The following RIPK4 variants were observed in gnomAD, a reference collection of about 807,000 sequenced individuals.
The protein encoded by RIPK4 is receptor interacting serine/threonine kinase 4.
In RIPK4, 17 loss-of-function variants were observed where a neutral mutation model predicts 42.9. The observed-to-expected ratio is 0.40, with a 90% confidence interval of 0.27 to 0.59. RIPK4 has a LOEUF of 0.59. RIPK4 is among the 20% of genes least tolerant of loss of function. The pLI is 0.47. For missense variants in RIPK4, 897 were observed against 1,104.4 expected, an observed-to-expected ratio of 0.81 and a Z score of 2.66; for synonymous variants, 498 against 499.1, an observed-to-expected ratio of 1.00 and a Z score of 0.03.
Position 41,749,039 on chromosome 21 carries a change from C to A in RIPK4, c.673+115G>T, listed in dbSNP as rs949685224. 6.6e-6 allele frequency: 7 copies of A among 1,066,270 alleles called. No homozygotes were observed. The Admixed American group carries it at 1.3e-4, about 20-fold the overall frequency. 66.1% of individuals were successfully genotyped at this position (1,066,270 alleles called of 1,614,324 possible). A position where few individuals can be genotyped will look rare whatever the true frequency, so the allele number is the denominator to read the frequency against. On this transcript the variant is annotated intron_variant, in intron 4 of 7. Transcript: ENST00000332512. ...ATGCAAATTACACCACAGAGCAGCA[C>A]CTATGGCAGCGTGGATCACAGGCTC...
In RIPK4 at chr21:41,741,683, G is replaced by A. The variant is rs2061154834; in HGVS notation, c.1510C>T (p.Gln504Ter). Residue 504 changes from glutamine (Q) to a stop codon, truncating the protein, a stop_gained, in exon 8 of 8, where the codon CAG (glutamine) becomes TAG (stop). Coordinates refer to ENST00000332512, the MANE Select transcript of RIPK4 (RefSeq NM_020639.3). LOFTEE classifies it low-confidence loss of function (END_TRUNC). ...GCTGCAAAGTGGAGGGCTGTCCACT[G>A]GTCCTCATCCTTGGCGTTGACACTG... The part of the protein sequence containing the change: ...KISVNAKDED[Q>*]WTALHFAAQN... 1.9e-6 allele frequency: 3 copies of A among 1,613,648 alleles called. No individual in the cohort carries two copies. Among genetic ancestry groups the A allele is most frequent in the Non-Finnish European group, 2.5e-6 (3 of 1,180,022 alleles).
rs921644618 is a variant in RIPK4 at position 41,746,668 on chromosome 21, T to C, written c.777A>G (p.Ile259Met). Reference protein sequence around the residue: ...RARPRACSHLIRLMQRCWQGD... With the variant: ...RARPRACSHLMRLMQRCWQGD... ...CCTGCCAGCACCGCTGCATGAGGCGTATCAGGTGGCTGCAGGCGCGCGGCC... is the reference window on the plus strand; with the variant it reads ...CCTGCCAGCACCGCTGCATGAGGCGCATCAGGTGGCTGCAGGCGCGCGGCC... The change falls in exon 5 of 8, where the codon ATA (isoleucine) becomes ATG (methionine). Residue 259 changes from isoleucine to methionine, a missense_variant. Ile to Met is a conservative substitution (Grantham distance 10). Transcript: ENST00000332512. 1 of 1,611,412 alleles carries C rather than the reference T, an allele frequency of 6.2e-7. No individual in the cohort carries two copies.
At chr21:41,758,039 TATAGAGAGAG>T (rs1331144276) in intron 1 of RIPK4, among the ~76,000 whole-genome samples, 108 of 89,012 alleles carry the variant, frequency 1.2e-3, no homozygotes, top group African/African-American at 5.1e-3. Flanking sequence ...TATATATATA[TATAGAGAGAG>T]AGAGAGAGAG....
At chr21:41,748,247 C>T (rs2061177787) in intron 4 of RIPK4, among the ~76,000 whole-genome samples, 1 of 152,214 alleles carries the variant, frequency 6.6e-6, no homozygotes, top group South Asian at 2.1e-4. Flanking sequence ...CTTCTCACCC[C>T]AGCACTTTCC....
intron 4 of RIPK4, 115 bp downstream of exon 4, chr21:41,749,039 C>T: frequency 2.8e-6 from 3 of 1,066,270 alleles, no homozygotes; most frequent in East Asian, 2.5e-5. Context: ...CAGAGCAGCA[C>T]CTATGGCAGC....
chr21:41,760,566 A>G (rs899303097), intron 1 of RIPK4, among the ~76,000 whole-genome samples: 10 of 152,314 alleles, frequency 6.6e-5, no homozygotes, highest in East Asian at 5.8e-4. Context: ...GTCGCTGTGG[A>G]TCCCCTTGGG....
In RIPK4 at chr21:41,755,594, G is replaced by A. The variant is rs1257023931; in HGVS notation, c.474+931C>T. ...AGGAACAGTAGCACAGCCAAGCCAG[G>A]CAGGGGACTCCTCTGCTTGTCCCCT... On this transcript the variant is annotated intron_variant, in intron 2 of 7. Coordinates refer to ENST00000332512, the MANE Select transcript of RIPK4 (RefSeq NM_020639.3). This position sits in a 1 kb window ranked among gnomAD's most constrained non-coding sequence, Gnocchi z 4.2. 6.6e-6 allele frequency among the ~76,000 whole-genome samples: 1 copy of A among 152,182 alleles called. No individual in the cohort carries two copies. The highest frequency in any genetic ancestry group is 1.5e-5 in the Non-Finnish European group (1 of 68,024).
rs767084849 is a variant in RIPK4, at chr21:41,741,758, C to T, written c.1435G>A (p.Val479Met). The change falls in exon 8 of 8, where the codon GTG becomes ATG. Residue 479 changes from valine (V) to methionine (M), a missense_variant. By Grantham distance (21) the Val-to-Met change is conservative. Coordinates refer to ENST00000332512, the MANE Select transcript of RIPK4 (RefSeq NM_020639.3). The part of the protein sequence containing the change: ...RRGSTPLHMA[V>M]ERRVRGVVEL... ...ACGACACCCCGCACCCTCCTCTCCA[C>T]GGCCATGTGCAACGGGGTGGAGCCC... 9.9e-6 allele frequency: 16 copies of T among 1,611,850 alleles called. No homozygotes were observed. Among genetic ancestry groups the T allele is most frequent in the East Asian group, 4.5e-5 (2 of 44,888 alleles).
chr21:41,749,189 A>T lies in RIPK4; in HGVS notation c.638T>A (p.Ile213Asn). The T allele has an allele frequency of 6.2e-7, 1 of 1,613,948 alleles. No homozygotes were observed. The highest frequency in any genetic ancestry group is 8.5e-7 in the Non-Finnish European group (1 of 1,179,924). Reference protein sequence around the residue: ...KHDVYSFAIVIWGVLTQKKPF... With the variant: ...KHDVYSFAIVNWGVLTQKKPF... ...CTTCTTCTGTGTGAGCACGCCCCAGATGACGATCGCAAAGCTGGAAGAGAA... is the reference window on the plus strand; with the variant it reads ...CTTCTTCTGTGTGAGCACGCCCCAGTTGACGATCGCAAAGCTGGAAGAGAA... The change falls in exon 4 of 8, where the codon ATC (isoleucine) becomes AAC (asparagine). Residue 213 changes from isoleucine (I) to asparagine (N), a missense_variant. Coordinates refer to ENST00000332512, the MANE Select transcript of RIPK4 (RefSeq NM_020639.3).
chr21:41,745,916 C>G (rs532143018), intron 5 of RIPK4, 54 bp from the exon 6 acceptor site: 1 of 1,386,122 alleles, frequency 7.2e-7, no homozygotes, highest in African/African-American at 1.4e-5. Flanking sequence ...TGCGTACACA[C>G]GCGTTCCATA....
chr21:41,743,775 C>A (rs2061161589), intron 7 of RIPK4, 107 bp downstream of exon 7: 1 of 1,373,604 alleles, frequency 7.3e-7, no homozygotes, highest in Non-Finnish European at 9.8e-7. Flanking sequence ...AGAATTCTTG[C>A]TGGGTCAAGA....
chr21:41,748,868 G>A (rs963366510), intron 4 of RIPK4, among the ~76,000 whole-genome samples: 3 of 152,200 alleles, frequency 2.0e-5, no homozygotes, highest in African/African-American at 7.2e-5. Context: ...AACACTGCCA[G>A]TGTAGTTAAT....
chr21:41,747,744 G>C (rs1321671598), intron 4 of RIPK4, among the ~76,000 whole-genome samples: 1 of 152,184 alleles, frequency 6.6e-6, no homozygotes, highest in Admixed American at 6.5e-5. Flanking sequence ...TAAAATGGAA[G>C]CAAACTGAAG....
chr21:41,752,276 G>A (rs2061190781), intron 2 of RIPK4, among the ~76,000 whole-genome samples: 1 of 152,186 alleles, frequency 6.6e-6, no homozygotes, highest in Non-Finnish European at 1.5e-5. Context: ...ACACACCCAT[G>A]GAGTGACAGG....
In RIPK4 at chr21:41,755,834, A is replaced by G. The variant is rs537834387; in HGVS notation, c.474+691T>C. On this transcript the variant is annotated intron_variant, in intron 2 of 7. Transcript: ENST00000332512. This position sits in a 1 kb window ranked among gnomAD's most constrained non-coding sequence, Gnocchi z 4.2. ...AGGCCATCAAAGGAGATACAAGGAA[A>G]TACAGCCCTGATGCAAAGGTGATGA... 2.0e-5 allele frequency among the ~76,000 whole-genome samples: 3 copies of G among 152,232 alleles called. No individual in the cohort carries two copies. Among genetic ancestry groups the G allele is most frequent in the Non-Finnish European group, 2.9e-5 (2 of 68,042 alleles).
chr21:41,746,129 G>T, intron 5 of RIPK4: 2 of 687,364 alleles, frequency 2.9e-6, no homozygotes, highest in East Asian at 2.9e-5. Context: ...AGGGAGCAGA[G>T]CTGCCAGCAC....
At position 41,745,991 on chromosome 21, in the gene RIPK4, G is replaced by C. The variant is rs968804034; in HGVS notation, c.833-129C>G. On this transcript the variant is annotated intron_variant, in intron 5 of 7. Coordinates refer to ENST00000332512, the MANE Select transcript of RIPK4 (RefSeq NM_020639.3). ...GCCTCGGCCCAGCCTGAGCTCACCA[G>C]GCAAGCCCAGGGGCCCTACATGGAC... is the stretch of plus-strand genomic sequence containing the variant. 27 of 819,628 alleles carry C rather than the reference G, an allele frequency of 3.3e-5. No homozygotes were observed. In the African/African-American group the frequency reaches 4.2e-4, roughly 13 times the overall value. 50.8% of individuals were successfully genotyped at this position (819,628 alleles called of 1,614,324 possible). A position where few individuals can be genotyped will look rare whatever the true frequency, so the allele number is the denominator to read the frequency against.
At chr21:41,753,157 T>C (rs1020920598) in intron 2 of RIPK4, among the ~76,000 whole-genome samples, 2 of 152,324 alleles carry the variant, frequency 1.3e-5, no homozygotes, top group Middle Eastern at 3.4e-3. Flanking sequence ...AGTAGCTCCG[T>C]GGCCCTGGAC....
intron 4 of RIPK4, 106 bp downstream of exon 4, chr21:41,749,048 G>A: frequency 1.7e-6 from 2 of 1,166,566 alleles, no homozygotes; most frequent in East Asian, 2.4e-5. Context: ...ACCTATGGCA[G>A]CGTGGATCAC....
Sources: allele counts gnomAD v4.1 joint callset (sites outside exome capture counted in the v4.1 genomes callset), GRCh38; gene constraint gnomAD v4.1.1; non-coding constraint Gnocchi (gnomAD v3.1); transcripts MANE v1.5; gene names NCBI Gene and HGNC (gene_info 2026-07-23, HGNC 2026-07-21).